Variants in DOK6 observed in about 807,000 individuals in gnomAD.
The protein encoded by DOK6 is docking protein 6.
Under a neutral mutation model 44.0 loss-of-function variants are expected in DOK6, and 22 were observed. The observed-to-expected ratio is 0.50, with a 90% CI of 0.36 to 0.71. DOK6 has a LOEUF of 0.71. DOK6 is among the 30% of genes least tolerant of loss of function. DOK6 has a pLI of 0.00. For synonymous variants in DOK6, 166 were observed against 145.5 expected (o/e 1.14, Z -1.01); for missense variants, 340 against 416.4 (o/e 0.82, Z 1.60).
At chr18:69,423,130 C>T (rs1044502660) in intron 1 of DOK6, among the ~76,000 whole-genome samples, 1 of 152,116 alleles carries the variant, frequency 6.6e-6, no homozygotes, top group Admixed American at 6.6e-5. Context: ...TGGGGAAACC[C>T]CATCTCTACG....
rs560026954 is a variant in DOK6, at chr18:69,644,644, T to G, written c.290-33090T>G. On this transcript the variant is annotated intron_variant, in intron 3 of 7. Transcript: ENST00000382713. ...GTGCCCTGCCGAGACCACACCATTT[T>G]GATTACTGCAGCTAAATTGTGAGTC... Among the ~76,000 whole-genome samples, 44 of 152,352 alleles carry G rather than the reference T, an allele frequency of 2.9e-4. 1 individual carries two copies. The South Asian group carries it at 8.3e-3, about 29-fold the overall frequency.
intron 5 of DOK6, among the ~76,000 whole-genome samples, chr18:69,729,558 T>C (rs1284487985): frequency 6.6e-6 from 1 of 152,138 alleles, no homozygotes; most frequent in East Asian, 1.9e-4. Context: ...GGTGGGAAAC[T>C]ATCTCAATTC....
intron 5 of DOK6, among the ~76,000 whole-genome samples, chr18:69,712,642 T>G (rs993625717): frequency 1.3e-5 from 2 of 152,086 alleles, no homozygotes; most frequent in African/African-American, 4.8e-5. Context: ...GCCAGGAATT[T>G]GAGACCAGCC....
At chr18:69,652,147 TGTGA>T (rs765077705) in intron 3 of DOK6, among the ~76,000 whole-genome samples, 12 of 152,156 alleles carry the variant, frequency 7.9e-5, no homozygotes, top group Non-Finnish European at 1.6e-4. Context: ...GGAGCAATTG[TGTGA>T]GTAATTTTGC....
chr18:69,495,357 G>A (rs760077994), intron 1 of DOK6, among the ~76,000 whole-genome samples: 4 of 152,152 alleles, frequency 2.6e-5, no homozygotes, highest in South Asian at 2.1e-4. Context: ...CACATTTCTC[G>A]AGTTCTTTTC....
At chr18:69,693,480 T>TA (rs1986314224) in intron 4 of DOK6, among the ~76,000 whole-genome samples, 1 of 152,184 alleles carries the variant, frequency 6.6e-6, no homozygotes, top group Non-Finnish European at 1.5e-5. Context: ...AAAGCCTCTT[T>TA]TTATATATAT....
chr18:69,766,299 A>T (rs1361378073), intron 7 of DOK6, among the ~76,000 whole-genome samples: 2 of 152,130 alleles, frequency 1.3e-5, no homozygotes, highest in East Asian at 3.9e-4. Context: ...TACTATGCTC[A>T]CCACCCGGGT....
intron 2 of DOK6, among the ~76,000 whole-genome samples, chr18:69,582,722 T>C (rs1983400085): frequency 6.6e-6 from 1 of 152,220 alleles, no homozygotes; most frequent in South Asian, 2.1e-4. Flanking sequence ...ATGGAAACTT[T>C]GTATTTTATA....
chr18:69,801,558 T>A (rs1980906223), intron 7 of DOK6, among the ~76,000 whole-genome samples: 1 of 152,198 alleles, frequency 6.6e-6, no homozygotes, highest in South Asian at 2.1e-4. Flanking sequence ...TCAGTAGAAA[T>A]GACTGCTGTG....
intron 1 of DOK6, among the ~76,000 whole-genome samples, chr18:69,472,726 A>G (rs528412025): frequency 1.3e-5 from 2 of 152,288 alleles, no homozygotes; most frequent in East Asian, 3.9e-4. Context: ...ATACACACAT[A>G]CACGCACAGA....
intron 6 of DOK6, among the ~76,000 whole-genome samples, chr18:69,750,828 G>C (rs1979153026): frequency 6.6e-6 from 1 of 152,292 alleles, no homozygotes; most frequent in South Asian, 2.1e-4. Flanking sequence ...ATCAGCATAA[G>C]TGTTTATCAA....
At chr18:69,792,339 G>A (rs549564214) in intron 7 of DOK6, among the ~76,000 whole-genome samples, 26 of 152,154 alleles carry the variant, frequency 1.7e-4, no homozygotes, top group African/African-American at 5.5e-4. Context: ...TAGGTAATAT[G>A]GAAATTTTAA....
intron 1 of DOK6, among the ~76,000 whole-genome samples, chr18:69,553,833 C>T (rs563204690): frequency 6.6e-6 from 1 of 152,300 alleles, no homozygotes; most frequent in Admixed American, 6.5e-5. Flanking sequence ...GATGTCAGTA[C>T]TTCTGGGATG....
intron 3 of DOK6, among the ~76,000 whole-genome samples, chr18:69,655,761 C>CAAA (rs74175379): frequency 2.7e-3 from 117 of 43,056 alleles, no homozygotes; most frequent in African/African-American, 3.0e-3. Flanking sequence ...CCCCACCCCT[C>CAAA]AAAAAAAAAA....
In DOK6 at chr18:69,787,029, A is replaced by G. The variant is rs190292562; in HGVS notation, c.856+29156A>G. The stretch of plus-strand genomic sequence containing the variant: ...TCAGGAGTTTGAGACCAGCCTGGCC[A>G]ACATGGTGAAAACCCATCTCTATCA... On this transcript the variant is annotated intron_variant, in intron 7 of 7. Coordinates refer to ENST00000382713, the MANE Select transcript of DOK6 (RefSeq NM_152721.6). 4.2e-3 allele frequency among the ~76,000 whole-genome samples: 643 copies of G among 152,316 alleles called. 4 individuals carry two copies. The highest frequency in any genetic ancestry group is 0.015 in the African/African-American group (618 of 41,572).
intron 5 of DOK6, among the ~76,000 whole-genome samples, chr18:69,719,915 A>G (rs1032295424): frequency 4.6e-5 from 7 of 152,192 alleles, no homozygotes; most frequent in African/African-American, 4.8e-5. Context: ...TCACCAACAC[A>G]ACAGGCATTG....
chr18:69,759,884 G>A (rs72967252), intron 7 of DOK6, among the ~76,000 whole-genome samples: 7,078 of 152,000 alleles, frequency 0.047, 194 homozygotes, highest in Middle Eastern at 0.089. Context: ...ATTGACTAAG[G>A]TAATTACTTA....
At chr18:69,404,048 A>G (rs1299552612) in intron 1 of DOK6, among the ~76,000 whole-genome samples, 1 of 152,244 alleles carries the variant, frequency 6.6e-6, no homozygotes, top group Non-Finnish European at 1.5e-5. Context: ...GACAGTACTC[A>G]TGCTTTCAAA....
At chr18:69,799,235 A>T (rs537458951) in intron 7 of DOK6, among the ~76,000 whole-genome samples, 11 of 152,218 alleles carry the variant, frequency 7.2e-5, no homozygotes, top group African/African-American at 2.6e-4. Context: ...CAGATTTTCT[A>T]TAATCCATTA....
Sources: allele counts gnomAD v4.1 joint callset (sites outside exome capture counted in the v4.1 genomes callset), GRCh38; gene constraint gnomAD v4.1.1; transcripts MANE v1.5; gene names NCBI Gene and HGNC (gene_info 2026-07-23, HGNC 2026-07-21).